PLSCR5: variants seen among roughly 807,000 people sequenced by gnomAD.
The protein encoded by PLSCR5 is phospholipid scramblase family, member 5.
A neutral mutation model predicts 33.6 loss-of-function variants in PLSCR5; 44 were observed. That is an observed-to-expected ratio of 1.31 (90% CI 1.03 to 1.69). The LOEUF (loss-of-function observed/expected upper bound fraction) is 1.69. Among genes scored for constraint, PLSCR5 ranks in the 40% most tolerant of loss-of-function variants. The pLI is 0.00. For missense variants in PLSCR5, 375 were observed against 318.7 expected, an observed-to-expected ratio of 1.18 and a Z score of -1.34; for synonymous variants, 148 against 112.3, an observed-to-expected ratio of 1.32 and a Z score of -2.01.
intron 4 of PLSCR5, among the ~76,000 whole-genome samples, chr3:146,592,281 A>C (rs1469459035): frequency 6.6e-6 from 1 of 151,082 alleles, no homozygotes; most frequent in Non-Finnish European, 1.5e-5. Flanking sequence ...ATCTATTTTA[A>C]GTCTCCTTTA....
intron 2 of PLSCR5, among the ~76,000 whole-genome samples, chr3:146,599,683 T>TC (rs2044794388): frequency 6.6e-6 from 1 of 150,714 alleles, no homozygotes; most frequent in Non-Finnish European, 1.5e-5. Flanking sequence ...TCTTTTCTTT[T>TC]TTTTTTTTTT....
At chr3:146,591,005 T>TG (rs1553809638) in intron 5 of PLSCR5, among the ~76,000 whole-genome samples, 13 of 150,282 alleles carry the variant, frequency 8.7e-5, no homozygotes, top group Non-Finnish European at 1.6e-4. Context: ...TTGTTTTTTT[T>TG]TTTTGTTTTT....
At chr3:146,580,264 T>G (rs1481230405) in intron 7 of PLSCR5, among the ~76,000 whole-genome samples, 6 of 152,090 alleles carry the variant, frequency 3.9e-5, no homozygotes. Flanking sequence ...ACATTCCATA[T>G]CTAACGAAAT....
downstream of PLSCR5, among the ~76,000 whole-genome samples, chr3:146,581,465 G>T (rs539017528): frequency 6.6e-6 from 1 of 152,308 alleles, no homozygotes; most frequent in Non-Finnish European, 1.5e-5. Context: ...GATGCCTAGT[G>T]CAGTGTATGC....
chr3:146,605,067 A>T (rs2044852757), intron 1 of PLSCR5, 133 bp downstream of exon 1: 3 of 908,184 alleles, frequency 3.3e-6, no homozygotes, highest in Non-Finnish European at 3.2e-6. Flanking sequence ...TTAAGATTTT[A>T]AAATCACAAT....
intron 1 of PLSCR5, among the ~76,000 whole-genome samples, chr3:146,604,025 C>T (rs879766615): frequency 9.9e-5 from 15 of 151,866 alleles, no homozygotes; most frequent in Non-Finnish European, 1.9e-4. Context: ...TAAATAGTGA[C>T]CAAAAGTGTG....
chr3:146,589,108 A>C (rs79649450), intron 6 of PLSCR5, among the ~76,000 whole-genome samples: 5,765 of 152,312 alleles, frequency 0.038, 120 homozygotes, highest in Non-Finnish European at 0.049. Flanking sequence ...ATACCAAAGA[A>C]GAAAAGGTTT....
At chr3:146,593,571 C>T (rs1443279727) in intron 4 of PLSCR5, among the ~76,000 whole-genome samples, 1 of 152,094 alleles carries the variant, frequency 6.6e-6, no homozygotes, top group Non-Finnish European at 1.5e-5. Context: ...ATTTCCTGGA[C>T]TTTGCTCCAG....
chr3:146,604,956 CTA>C (rs1198051994), intron 1 of PLSCR5, among the ~76,000 whole-genome samples: 2 of 152,114 alleles, frequency 1.3e-5, no homozygotes, highest in African/African-American at 4.8e-5. Context: ...TATTAATTCA[CTA>C]TGTTTGTATT....
In PLSCR5 at chr3:146,588,008, A is replaced by G. The variant is rs146560611; in HGVS notation, c.777+1645T>C. On this transcript the variant is annotated intron_variant, in intron 6 of 7. Coordinates refer to ENST00000443512, the MANE Select transcript of PLSCR5 (RefSeq NM_001085420.2). ...GACTCAGTAAATAGGGCATTAATGT[A>G]AACAATCAGATTTAGCATTCTGAAA... is the stretch of plus-strand genomic sequence containing the variant. 3.1e-3 allele frequency among the ~76,000 whole-genome samples: 468 copies of G among 152,224 alleles called. 1 individual carries two copies. The highest frequency in any genetic ancestry group is 9.9e-3 in the African/African-American group (410 of 41,560).
chr3:146,600,622 C>T (rs950428866), intron 1 of PLSCR5, among the ~76,000 whole-genome samples, 159 bp from the exon 2 acceptor site: 3 of 152,086 alleles, frequency 2.0e-5, no homozygotes, highest in East Asian at 1.9e-4. Context: ...GCCATTATTA[C>T]TTGTCCCCTA....
chr3:146,604,782 A>C (rs2044850501), intron 1 of PLSCR5, among the ~76,000 whole-genome samples: 1 of 152,174 alleles, frequency 6.6e-6, no homozygotes, highest in East Asian at 1.9e-4. Flanking sequence ...GTACCCACAT[A>C]AATTTTTAAT....
rs377191211 is a variant in PLSCR5 at position 146,594,088 on chromosome 3, T to C, written c.285A>G (p.Gly95=). ...SNKYEIKNSL[G]QRIYFAVEES... is the part of the protein sequence containing the mutation. ...CCTCCACTGCAAAGTAAATTCTTTG[T>C]CCCAAGCTGTTTTTAATCTCATATT... Residue 95 remains glycine, a synonymous_variant, in exon 4 of 8, where the codon GGA becomes GGG. Coordinates refer to ENST00000443512, the MANE Select transcript of PLSCR5 (RefSeq NM_001085420.2). 4 of 1,613,718 alleles carry C rather than the reference T, an allele frequency of 2.5e-6. No homozygotes were observed. The highest frequency in any genetic ancestry group is 3.3e-5 in the Admixed American group (2 of 59,980).
At position 146,601,138 on chromosome 3, in the gene PLSCR5, C is replaced by T. The variant is rs919162852; in HGVS notation, c.14-675G>A. Among the ~76,000 whole-genome samples, 9 of 151,400 alleles carry T rather than the reference C, an allele frequency of 5.9e-5. No homozygotes were observed. The South Asian group carries it at 1.9e-3, about 31-fold the overall frequency. ...AATTTTTAGAGAAGACATCTGTTTT[C>T]TATATTATTGCCAGGTAAATATGTT... is the stretch of plus-strand genomic sequence containing the variant. On this transcript the variant is annotated intron_variant, in intron 1 of 7. Transcript: ENST00000443512.
At chr3:146,581,552 A>G (rs1353699725), downstream of PLSCR5, among the ~76,000 whole-genome samples, 3 of 152,226 alleles carry the variant, frequency 2.0e-5, no homozygotes, top group African/African-American at 7.2e-5. Flanking sequence ...AGTGCCTAAT[A>G]TGGAGCCTAG....
intron 1 of PLSCR5, among the ~76,000 whole-genome samples, chr3:146,604,051 C>T (rs151133453): frequency 6.6e-6 from 1 of 151,992 alleles, no homozygotes; most frequent in Admixed American, 6.6e-5. Context: ...ATAAAGGAAG[C>T]AAGTAAGCAT....
chr3:146,586,179 C>T, intron 6 of PLSCR5, 67 bp from the exon 7 acceptor site: 3 of 1,350,024 alleles, frequency 2.2e-6, no homozygotes, highest in Non-Finnish European at 2.9e-6. Context: ...AAAAGTTTGA[C>T]ATGCAAGCTT....
chr3:146,594,213 G>T, intron 3 of PLSCR5, 73 bp from the exon 4 acceptor site: 1 of 1,052,712 alleles, frequency 9.5e-7, no homozygotes, highest in Non-Finnish European at 1.4e-6. Flanking sequence ...AAGGGGAGAT[G>T]TTATTAAAAG....
intron 7 of PLSCR5, among the ~76,000 whole-genome samples, chr3:146,576,967 T>G (rs2044602544): frequency 6.6e-6 from 1 of 151,954 alleles, no homozygotes; most frequent in Admixed American, 6.6e-5. Flanking sequence ...ATGACACTGG[T>G]TGTACATTAG....
Sources: allele counts gnomAD v4.1 joint callset (sites outside exome capture counted in the v4.1 genomes callset), GRCh38; gene constraint gnomAD v4.1.1; transcripts MANE v1.5; gene names NCBI Gene and HGNC (gene_info 2026-07-23, HGNC 2026-07-21).